The following FAM135B variants were observed in gnomAD, a reference collection of about 807,000 sequenced individuals.
FAM135B encodes protein FAM135B.
In FAM135B, 43 loss-of-function variants were observed where a neutral mutation model predicts 127.7. That is an observed-to-expected ratio of 0.34 (90% CI 0.26 to 0.43). FAM135B has a LOEUF of 0.43. FAM135B is among the 20% of genes least tolerant of loss of function. The probability of loss-of-function intolerance (pLI) is 1.00; values close to 1 mark genes in which losing one functional copy is unlikely to be tolerated. For missense variants in FAM135B, 1,558 were observed against 1,725.6 expected (o/e 0.90, Z 1.72); for synonymous variants, 670 against 665.1 (o/e 1.01, Z -0.11).
intron 9 of FAM135B, among the ~76,000 whole-genome samples, 184 bp downstream of exon 9, chr8:138,195,074 A>G (rs904753831): frequency 1.3e-5 from 2 of 152,250 alleles, no homozygotes; most frequent in Admixed American, 1.3e-4. Context: ...CTAGCAAGGC[A>G]CATACTTATA....
chr8:138,371,857 T>G (rs1334338335), intron 1 of FAM135B, among the ~76,000 whole-genome samples: 1 of 152,210 alleles, frequency 6.6e-6, no homozygotes. Flanking sequence ...TCTGCTGCAT[T>G]TGGTGTGCCT....
intron 7 of FAM135B, among the ~76,000 whole-genome samples, chr8:138,220,472 A>G (rs1193328178): frequency 6.6e-6 from 1 of 152,190 alleles, no homozygotes; most frequent in Non-Finnish European, 1.5e-5. Context: ...ACTGCTTACC[A>G]GCTGGTTCCT....
Position 138,152,546 on chromosome 8 carries a change from TGGATCACAG to T in FAM135B, c.1920_1928del (p.Cys641_Pro643del). On this transcript the variant is annotated inframe_deletion, in exon 13 of 20. Transcript: ENST00000395297. ...AGGGCTCCCTCAGGGTAGAACTTAG[TGGATCACAG>T]GGCTCAGAGGGGGTGAGTTTCAAGC... The T allele has an allele frequency of 3.1e-6, 5 of 1,614,172 alleles. No homozygotes were observed. The highest frequency in any genetic ancestry group is 4.2e-6 in the Non-Finnish European group (5 of 1,180,028).
At chr8:138,260,789 T>C (rs1374226317) in intron 4 of FAM135B, among the ~76,000 whole-genome samples, 1 of 152,120 alleles carries the variant, frequency 6.6e-6, no homozygotes, top group African/African-American at 2.4e-5. Flanking sequence ...CTTGGTCTCC[T>C]GGGCCCCACT....
At chr8:138,335,578 C>A (rs1828515983) in intron 2 of FAM135B, among the ~76,000 whole-genome samples, 1 of 152,060 alleles carries the variant, frequency 6.6e-6, no homozygotes, top group Non-Finnish European at 1.5e-5. Context: ...ATATATGCAC[C>A]CAATACAGGA....
At chr8:138,307,056 C>T (rs1826316664) in intron 3 of FAM135B, among the ~76,000 whole-genome samples, 1 of 152,200 alleles carries the variant, frequency 6.6e-6, no homozygotes, top group African/African-American at 2.4e-5. Flanking sequence ...AGCAACATCC[C>T]TCCTGTTTAA....
chr8:138,159,536 T>C (rs1273612512), intron 12 of FAM135B, among the ~76,000 whole-genome samples: 1 of 139,432 alleles, frequency 7.2e-6, no homozygotes, highest in African/African-American at 2.7e-5. Context: ...TTCTCACTCA[T>C]AGATAGGAAT....
At chr8:138,443,168 C>T (rs1428805468) in intron 1 of FAM135B, among the ~76,000 whole-genome samples, 1 of 152,154 alleles carries the variant, frequency 6.6e-6, no homozygotes. Flanking sequence ...CCATAAAAGC[C>T]TCGTTGCTCA....
intron 2 of FAM135B, among the ~76,000 whole-genome samples, chr8:138,343,098 T>C (rs1206483618): frequency 2.0e-5 from 3 of 152,378 alleles, no homozygotes; most frequent in Non-Finnish European, 4.4e-5. Context: ...CCATGACGAA[T>C]AGTTGAAGAA....
intron 3 of FAM135B, among the ~76,000 whole-genome samples, chr8:138,272,268 A>G (rs1823442491): frequency 6.6e-6 from 1 of 152,224 alleles, no homozygotes; most frequent in Non-Finnish European, 1.5e-5. Flanking sequence ...TCAAATATTT[A>G]GCGAATCAAT....
intron 7 of FAM135B, among the ~76,000 whole-genome samples, chr8:138,211,827 G>A (rs1818165370): frequency 6.6e-6 from 1 of 152,262 alleles, no homozygotes; most frequent in Non-Finnish European, 1.5e-5. Flanking sequence ...CAGCACTTTG[G>A]GAGGCTGAGG....
rs1818134446 is a variant in FAM135B, at chr8:138,151,439, G to A, written c.3036C>T (p.Ser1012=). 6.2e-7 allele frequency: 1 copy of A among 1,614,196 alleles called. No homozygotes were observed. The highest frequency in any genetic ancestry group is 8.5e-7 in the Non-Finnish European group (1 of 1,180,026). Residue 1012 remains serine (S), a synonymous_variant, in exon 13 of 20, where the codon TCC becomes TCT. Transcript: ENST00000395297. The part of the protein sequence containing the change: ...ELKAGTSIMG[S]HLTSAETFTL... ...TAAAGGTCTCTGCAGAAGTCAGATG[G>A]GACCCCATGATGGAAGTGCCTGCCT...
intron 3 of FAM135B, among the ~76,000 whole-genome samples, chr8:138,291,863 A>G (rs984371830): frequency 6.6e-6 from 1 of 152,158 alleles, no homozygotes; most frequent in Non-Finnish European, 1.5e-5. Context: ...TAAGATCAGG[A>G]ACAAAACAAG....
At chr8:138,421,904 C>T (rs573436938) in intron 1 of FAM135B, among the ~76,000 whole-genome samples, 1 of 152,054 alleles carries the variant, frequency 6.6e-6, no homozygotes, top group South Asian at 2.1e-4. Context: ...CTACAGAAAC[C>T]AAAACAGCAT....
chr8:138,304,435 G>T (rs1213181196), intron 3 of FAM135B, among the ~76,000 whole-genome samples: 1 of 152,244 alleles, frequency 6.6e-6, no homozygotes, highest in Non-Finnish European at 1.5e-5. Flanking sequence ...GGGGCTACGT[G>T]CTGCATGCCT....
intron 16 of FAM135B, among the ~76,000 whole-genome samples, chr8:138,142,288 C>CTTTTT (rs71316322): frequency 9.5e-4 from 59 of 62,374 alleles, no homozygotes; most frequent in African/African-American, 1.1e-3. Context: ...TCTGCTTCTT[C>CTTTTT]TTTTTTTTTT....
At position 138,362,782 on chromosome 8, in the gene FAM135B, G is replaced by T. The variant is rs115633408; in HGVS notation, c.77+5125C>A. On this transcript the variant is annotated intron_variant, in intron 2 of 19. Transcript: ENST00000395297. ...ATTTACTGAAATATTTGAACTGATG[G>T]TCATTTTCTATGTATATGTCAGCCT... Among the ~76,000 whole-genome samples the T allele has an allele frequency of 4.8e-3, 738 of 152,264 alleles. 8 individuals carry two copies. Among genetic ancestry groups the T allele is most frequent in the African/African-American group, 0.017 (703 of 41,548 alleles).
chr8:138,274,827 C>T (rs537735627), intron 3 of FAM135B, among the ~76,000 whole-genome samples: 19 of 151,962 alleles, frequency 1.3e-4, no homozygotes, highest in Admixed American at 8.5e-4. Context: ...GGCTCACCGG[C>T]GGTCAGAGTT....
chr8:138,245,089 A>G (rs1821174368), intron 6 of FAM135B, among the ~76,000 whole-genome samples: 1 of 152,094 alleles, frequency 6.6e-6, no homozygotes, highest in South Asian at 2.1e-4. Context: ...AATCCAGAGG[A>G]CAGAAGACAA....
Sources: gnomAD v4.1 joint callset for allele counts (sites outside exome capture counted in the v4.1 genomes callset) on GRCh38, gnomAD v4.1.1 for gene constraint, MANE v1.5 for transcripts, NCBI Gene and HGNC (gene_info 2026-07-23, HGNC 2026-07-21) for gene names.